Variants in MCTP1 observed in about 807,000 individuals in gnomAD.
MCTP1 encodes the protein multiple C2 and transmembrane domain-containing protein 1.
MCTP1 carries 69 observed loss-of-function variants against 120.6 expected under a neutral mutation model. The ratio of observed to expected loss-of-function variants is 0.57; its 90% confidence interval spans 0.47 to 0.70. The LOEUF (loss-of-function observed/expected upper bound fraction) is 0.70. MCTP1 is among the 30% of genes least tolerant of loss of function. MCTP1 has a pLI of 0.00. For synonymous variants in MCTP1, 529 were observed against 493.1 expected (o/e 1.07, Z -0.96); for missense variants, 1,203 against 1,248.8 (o/e 0.96, Z 0.55).
Position 94,708,555 on chromosome 5 carries a change from T to C in MCTP1, c.2885A>G (p.Glu962Gly). Residue 962 changes from glutamate to glycine, a missense_variant, in exon 22 of 23, where the codon GAA (glutamate) becomes GGA (glycine). Glu to Gly is a moderately conservative substitution (Grantham distance 98, BLOSUM62 -2). Transcript: ENST00000515393. The stretch of plus-strand genomic sequence containing the variant: ...GACTCTGGAAAGGAAGTCAAGTAGT[T>C]CATTGTTATCAATTGCATATGGACT... ...LRSPYAIDNNELLDFLSRVPS... is the reference protein window; with the variant it reads ...LRSPYAIDNNGLLDFLSRVPS... 1 of 1,611,466 alleles carries C rather than the reference T, an allele frequency of 6.2e-7. No individual in the cohort carries two copies. The highest frequency in any genetic ancestry group is 2.2e-5 in the East Asian group (1 of 44,794).
intron 12 of MCTP1, 145 bp from the exon 13 acceptor site, chr5:94,873,386 A>T: frequency 3.9e-6 from 2 of 507,244 alleles, no homozygotes; most frequent in Non-Finnish European, 6.9e-6. Context: ...AAAAGAAACC[A>T]CCATCAAAAT....
At chr5:95,180,000 A>G (rs775974114) in intron 1 of MCTP1, among the ~76,000 whole-genome samples, 9 of 152,196 alleles carry the variant, frequency 5.9e-5, no homozygotes, top group Non-Finnish European at 1.0e-4. Context: ...AGCTATTCCT[A>G]TATCAGAATA....
chr5:94,988,589 C>CTG (rs1204978985), intron 2 of MCTP1, among the ~76,000 whole-genome samples: 112 of 142,186 alleles, frequency 7.9e-4, no homozygotes, highest in South Asian at 1.3e-3. Flanking sequence ...TAATAATTCC[C>CTG]TGTGTGTGTT....
chr5:95,237,715 A>T (rs1242351963), intron 1 of MCTP1, among the ~76,000 whole-genome samples: 1 of 152,212 alleles, frequency 6.6e-6, no homozygotes, highest in Non-Finnish European at 1.5e-5. Flanking sequence ...ATGTATAATT[A>T]TAATTCTTGA....
chr5:94,894,445 GAGA>G (rs1561816865), intron 11 of MCTP1, among the ~76,000 whole-genome samples: 4 of 152,314 alleles, frequency 2.6e-5, no homozygotes, highest in African/African-American at 9.6e-5. Context: ...AGAGAATCTA[GAGA>G]AGATCAAGTC....
rs1803518673 is a variant in MCTP1 at position 94,894,820 on chromosome 5, C to T, written c.1668G>A (p.Leu556=). The change falls in exon 11 of 23, where the codon CTG becomes CTA. Residue 556 remains leucine, a synonymous_variant. Transcript: ENST00000515393. ...GCGTCTGTTCCCTACTGAGGGCTGA[C>T]AGGTCGACCTGGCACCTAGAGACAA... ...DDFIGRCQVD[L]SALSREQTHK... The T allele has an allele frequency of 1.3e-6, 2 of 1,585,456 alleles. No homozygotes were observed.
intron 19 of MCTP1, among the ~76,000 whole-genome samples, chr5:94,746,449 G>A (rs187136227): frequency 1.3e-3 from 202 of 152,236 alleles, no homozygotes; most frequent in African/African-American, 4.7e-3. Flanking sequence ...TATGTAAAAT[G>A]ATGCTCTTTA....
chr5:94,866,075 A>C (rs1055712307), intron 17 of MCTP1, among the ~76,000 whole-genome samples: 1 of 151,974 alleles, frequency 6.6e-6, no homozygotes. Context: ...AATTTGCTAC[A>C]ATAGTACTAA....
intron 1 of MCTP1, among the ~76,000 whole-genome samples, chr5:95,101,479 C>T (rs1054414215): frequency 1.3e-5 from 2 of 152,176 alleles, no homozygotes; most frequent in Non-Finnish European, 2.9e-5. Context: ...TATTTACTTT[C>T]GGTAGTTGGT....
chr5:94,998,697 C>T (rs78967339), intron 2 of MCTP1, among the ~76,000 whole-genome samples: 1,704 of 152,256 alleles, frequency 0.011, 13 homozygotes, highest in Middle Eastern at 0.024. Flanking sequence ...AGAGACTGTG[C>T]ACAAAATCTC....
At chr5:95,171,037 A>T (rs1481408830) in intron 1 of MCTP1, among the ~76,000 whole-genome samples, 4 of 152,052 alleles carry the variant, frequency 2.6e-5, no homozygotes, top group Non-Finnish European at 4.4e-5. Context: ...ATGTTTTTGC[A>T]GTGGCTGGTA....
intron 1 of MCTP1, among the ~76,000 whole-genome samples, chr5:95,050,362 T>A (rs905546201): frequency 4.6e-5 from 7 of 152,198 alleles, no homozygotes; most frequent in African/African-American, 1.2e-4. Flanking sequence ...TATTTGAAAT[T>A]ATAACTTAGC....
intron 1 of MCTP1, among the ~76,000 whole-genome samples, chr5:95,135,054 A>G (rs1335162032): frequency 1.3e-5 from 2 of 151,198 alleles, no homozygotes; most frequent in African/African-American, 4.9e-5. Context: ...AGATCAGAAA[A>G]AAAAAAGGTC....
chr5:94,872,850 G>A (rs1798077697), intron 13 of MCTP1, among the ~76,000 whole-genome samples: 1 of 152,066 alleles, frequency 6.6e-6, no homozygotes, highest in Non-Finnish European at 1.5e-5. Context: ...ATAAAAGGAA[G>A]AAGCGGTATG....
chr5:94,870,244 G>C lies in MCTP1; in HGVS notation c.2316+173C>G, dbSNP rs567069291. Among the ~76,000 whole-genome samples, 7 of 152,002 alleles carry C rather than the reference G, an allele frequency of 4.6e-5. No homozygotes were observed. In the South Asian group the frequency reaches 1.4e-3, roughly 31 times the overall value. On this transcript the variant is annotated intron_variant, in intron 16 of 22. Transcript: ENST00000515393. ...GTCCTCGTTTGATCTTTTAAAGAAA[G>C]GAAGGAAGAAAGAATCAGAAAGAAT...
intron 1 of MCTP1, among the ~76,000 whole-genome samples, chr5:95,025,776 C>T (rs1453906396): frequency 6.6e-6 from 1 of 152,156 alleles, no homozygotes; most frequent in East Asian, 1.9e-4. Context: ...TAGGACCCAG[C>T]CTGATAATCA....
intron 1 of MCTP1, among the ~76,000 whole-genome samples, chr5:95,257,880 A>G (rs1407658119): frequency 6.6e-6 from 1 of 151,692 alleles, no homozygotes; most frequent in Non-Finnish European, 1.5e-5. Context: ...AGCGTTCCCA[A>G]TGGCCTGTGC....
rs139925739 is a variant in MCTP1, at chr5:94,788,288, A to T, written c.2557-9125T>A. On this transcript the variant is annotated intron_variant, in intron 18 of 22. Transcript: ENST00000515393. ...TATATTTTAGTTTGGTCACTAAAAC[A>T]TACTGTTTCAGTTCTATGTACACAA... Among the ~76,000 whole-genome samples the T allele has an allele frequency of 2.0e-5, 3 of 152,366 alleles. 1 individual carries two copies. In the East Asian group the frequency reaches 5.8e-4, roughly 29 times the overall value.
At position 95,254,523 on chromosome 5, in the gene MCTP1, T is replaced by C. The variant is rs966766255; in HGVS notation, c.720+29333A>G. Among the ~76,000 whole-genome samples, 5 of 152,162 alleles carry C rather than the reference T, an allele frequency of 3.3e-5. No individual in the cohort carries two copies. In the South Asian group the frequency reaches 6.2e-4, roughly 19 times the overall value. On this transcript the variant is annotated intron_variant, in intron 1 of 22. Transcript: ENST00000515393. ...TAATAAGGCATTCCGTCTTTTCTAATGATCTACATATGATGCCTTTCAGTA... is the reference window on the plus strand; with the variant it reads ...TAATAAGGCATTCCGTCTTTTCTAACGATCTACATATGATGCCTTTCAGTA...
Sources: allele counts gnomAD v4.1 joint callset (sites outside exome capture counted in the v4.1 genomes callset), GRCh38; gene constraint gnomAD v4.1.1; transcripts MANE v1.5; gene names NCBI Gene and HGNC (gene_info 2026-07-23, HGNC 2026-07-21).